Variants in DAPK1 observed in about 807,000 individuals in gnomAD.
The protein encoded by DAPK1 is death associated protein kinase 1, also known as death-associated protein kinase 1.
In DAPK1, 56 loss-of-function variants were observed where a neutral mutation model predicts 144.9. That is an observed-to-expected ratio of 0.39 (90% CI 0.31 to 0.48). The LOEUF is 0.48. DAPK1 is among the 20% of genes least tolerant of loss of function. The pLI, the probability that DAPK1 is intolerant of heterozygous loss-of-function variation, is 0.95. For missense variants in DAPK1, 1,454 were observed against 1,875.4 expected, an observed-to-expected ratio of 0.78 and a Z score of 4.15; for synonymous variants, 690 against 749.0, an observed-to-expected ratio of 0.92 and a Z score of 1.29.
chr9:87,669,744 C>T (rs1831189932), intron 19 of DAPK1, among the ~76,000 whole-genome samples: 1 of 144,446 alleles, frequency 6.9e-6, no homozygotes, highest in Admixed American at 7.3e-5. Context: ...TCATACATGT[C>T]CTGTGGTCTT....
chr9:87,702,082 C>T (rs1447851806), intron 24 of DAPK1, among the ~76,000 whole-genome samples: 1 of 152,132 alleles, frequency 6.6e-6, no homozygotes, highest in Non-Finnish European at 1.5e-5. Flanking sequence ...TGATCTGCTG[C>T]TTCTCAGACA....
Position 87,648,873 on chromosome 9 carries a change from G to A in DAPK1, c.1422G>A (p.Gln474=). ...LCSFGSNPNI[Q]DKEEETPLHC... is the part of the protein sequence containing the mutation. ...GCTTCGGCTCAAATCCCAATATCCAGGACAAGGTGGGTCGTGACTGACATC... is the reference window on the plus strand; with the variant it reads ...GCTTCGGCTCAAATCCCAATATCCAAGACAAGGTGGGTCGTGACTGACATC... The change falls in exon 15 of 26, where the codon CAG becomes CAA. Residue 474 remains glutamine, a synonymous_variant. Coordinates refer to ENST00000408954, the MANE Select transcript of DAPK1 (RefSeq NM_004938.4). The A allele has an allele frequency of 6.2e-7, 1 of 1,613,998 alleles. No homozygotes were observed. The highest frequency in any genetic ancestry group is 8.5e-7 in the Non-Finnish European group (1 of 1,179,818).
rs529184845 is a variant in DAPK1 at position 87,498,123 on chromosome 9, C to G, written c.-109+16C>G. The G allele has an allele frequency of 5.0e-6, 2 of 397,422 alleles. No individual in the cohort carries two copies. The highest frequency in any genetic ancestry group is 7.1e-5 in the East Asian group (2 of 28,010). 24.6% of individuals were successfully genotyped at this position (397,422 alleles called of 1,614,324 possible). ...AGGCGCCCGGGTGAGTAGCCAGGCGCGGCTCCCCGGTCCCCCCGACCCCCG... is the reference window on the plus strand; with the variant it reads ...AGGCGCCCGGGTGAGTAGCCAGGCGGGGCTCCCCGGTCCCCCCGACCCCCG... On this transcript the variant is annotated intron_variant, in intron 1 of 25. Transcript: ENST00000408954.
At chr9:87,551,139 C>G (rs1353954573) in intron 2 of DAPK1, among the ~76,000 whole-genome samples, 1 of 146,304 alleles carries the variant, frequency 6.8e-6, no homozygotes, top group Non-Finnish European at 1.5e-5. Flanking sequence ...ATCATCACAT[C>G]TATTAATTTG....
chr9:87,576,787 A>G (rs934213481), intron 2 of DAPK1, among the ~76,000 whole-genome samples: 3 of 152,092 alleles, frequency 2.0e-5, no homozygotes, highest in African/African-American at 7.2e-5. Flanking sequence ...CAAATTCCTG[A>G]CCTCAAGTGC....
chr9:87,665,299 T>TC (rs1415483916), intron 18 of DAPK1, among the ~76,000 whole-genome samples: 1 of 152,180 alleles, frequency 6.6e-6, no homozygotes, highest in Non-Finnish European at 1.5e-5. Flanking sequence ...TAATACGCAC[T>TC]CAGTAAATAC....
chr9:87,645,600 CA>C (rs1430947976), intron 11 of DAPK1, among the ~76,000 whole-genome samples: 1 of 152,136 alleles, frequency 6.6e-6, no homozygotes, highest in Non-Finnish European at 1.5e-5. Context: ...TTAAGATAAA[CA>C]CAAAGGGTTA....
chr9:87,707,089 G>C lies in DAPK1; in HGVS notation c.4018G>C (p.Val1340Leu), dbSNP rs761039661. The C allele has an allele frequency of 1.9e-6, 3 of 1,614,056 alleles. No individual in the cohort carries two copies. Among genetic ancestry groups the C allele is most frequent in the African/African-American group, 1.3e-5 (1 of 75,036 alleles). ...CATGAACTTAGGCCTCCCTGACCTC[G>C]TGGCAAAGTACAACACCAGTAACGG... is the stretch of plus-strand genomic sequence containing the variant. Reference protein sequence around the residue: ...LAMNLGLPDLVAKYNTSNGAP... With the variant: ...LAMNLGLPDLLAKYNTSNGAP... The change falls in exon 26 of 26, where the codon GTG becomes CTG. Residue 1340 changes from valine to leucine, a missense_variant. Val to Leu is a conservative substitution (Grantham distance 32). Around this residue, in one of 2 missense-constraint regions of DAPK1, gnomAD observed 1,025 missense variants for 1,237.9 expected, o/e 0.83. Transcript: ENST00000408954. The surrounding 1 kb of genome is among the most constrained non-coding windows in gnomAD (Gnocchi z 4.0).
intron 2 of DAPK1, among the ~76,000 whole-genome samples, chr9:87,527,189 C>A (rs545569039): frequency 6.8e-6 from 1 of 147,994 alleles, no homozygotes; most frequent in African/African-American, 2.5e-5. Context: ...GACTGTAAAA[C>A]CACCCAAGGG....
intron 2 of DAPK1, among the ~76,000 whole-genome samples, chr9:87,595,607 C>G (rs1324009583): frequency 6.6e-6 from 1 of 152,244 alleles, no homozygotes; most frequent in African/African-American, 2.4e-5. Context: ...AATACCAAAC[C>G]AGTGCGTGGA....
intron 2 of DAPK1, among the ~76,000 whole-genome samples, chr9:87,571,862 T>C (rs994338422): frequency 7.2e-5 from 11 of 152,338 alleles, no homozygotes; most frequent in Non-Finnish European, 2.9e-5. Context: ...CCTCTCTCCT[T>C]CTGAGGGGCT....
At chr9:87,504,313 T>A (rs1032067886) in intron 2 of DAPK1, among the ~76,000 whole-genome samples, 1 of 152,156 alleles carries the variant, frequency 6.6e-6, no homozygotes, top group Non-Finnish European at 1.5e-5. Context: ...TTTAGGAAGG[T>A]CTAATAATAA....
In DAPK1 at chr9:87,552,058, G is replaced by A. The variant is rs182261838; in HGVS notation, c.63-52896G>A. On this transcript the variant is annotated intron_variant, in intron 2 of 25. Transcript: ENST00000408954. Reference sequence around the variant, plus strand: ...AGTTCTAAACCAGCCAGCAGGCCTCGCGAGGCTGGCTCACCTTTCAGGCTG... The same window carrying A: ...AGTTCTAAACCAGCCAGCAGGCCTCACGAGGCTGGCTCACCTTTCAGGCTG... Among the ~76,000 whole-genome samples, 455 of 141,678 alleles carry A rather than the reference G, an allele frequency of 3.2e-3. 4 individuals carry two copies. The highest frequency in any genetic ancestry group is 0.012 in the African/African-American group (435 of 36,490). 92.9% of individuals were successfully genotyped at this position (141,678 alleles called of 152,430 possible).
chr9:87,705,075 C>T (rs1166819330), intron 25 of DAPK1, among the ~76,000 whole-genome samples: 3 of 151,954 alleles, frequency 2.0e-5, no homozygotes, highest in Non-Finnish European at 4.4e-5. Context: ...CATATCCTTT[C>T]AGGCCTTTTC....
intron 2 of DAPK1, among the ~76,000 whole-genome samples, chr9:87,563,125 T>C (rs73494326): frequency 0.031 from 4,762 of 152,320 alleles, 266 homozygotes; most frequent in African/African-American, 0.11. Context: ...TGGAAGCATT[T>C]TGTAAGCAAA....
intron 2 of DAPK1, among the ~76,000 whole-genome samples, chr9:87,562,102 G>C (rs1339802115): frequency 1.3e-5 from 2 of 152,198 alleles, no homozygotes; most frequent in Non-Finnish European, 2.9e-5. Flanking sequence ...CATGGGGAGA[G>C]GGAAGGGGGT....
chr9:87,629,447 C>T (rs1161295168), intron 3 of DAPK1, among the ~76,000 whole-genome samples: 1 of 152,336 alleles, frequency 6.6e-6, no homozygotes, highest in African/African-American at 2.4e-5. Flanking sequence ...TTTTAAGCCA[C>T]CCAATTTGTG....
intron 2 of DAPK1, among the ~76,000 whole-genome samples, chr9:87,501,204 A>G (rs1418981498): frequency 1.3e-5 from 2 of 152,220 alleles, no homozygotes; most frequent in African/African-American, 2.4e-5. Flanking sequence ...GTGAATTACT[A>G]GTAGACCAGT....
intron 15 of DAPK1, 96 bp downstream of exon 15, chr9:87,648,975 C>A (rs1170980320): frequency 2.8e-6 from 3 of 1,081,034 alleles, no homozygotes; most frequent in Non-Finnish European, 2.8e-6. Flanking sequence ...TTTATCCAAG[C>A]TAGGCTTTCT....
Sources: gnomAD v4.1 joint callset for allele counts (sites outside exome capture counted in the v4.1 genomes callset) on GRCh38, gnomAD v4.1.1 for gene constraint, gnomAD v4.1.1 regional missense constraint, Gnocchi (gnomAD v3.1) non-coding constraint, MANE v1.5 for transcripts, NCBI Gene and HGNC (gene_info 2026-07-23, HGNC 2026-07-21) for gene names.